NAB1: variants seen among roughly 807,000 people sequenced by gnomAD.
NAB1 encodes the protein NGFI-A binding protein 1.
NAB1 carries 25 observed loss-of-function variants against 49.9 expected under a neutral mutation model. The observed-to-expected ratio is 0.50, with a 90% CI of 0.37 to 0.70. NAB1 has a LOEUF of 0.70. Ranked by LOEUF, NAB1 falls within the 30% of genes least tolerant of loss-of-function variation. The probability of loss-of-function intolerance (pLI) is 0.00; values close to 1 mark genes in which losing one functional copy is unlikely to be tolerated. For synonymous variants in NAB1, 198 were observed against 215.6 expected (o/e 0.92, Z 0.71); for missense variants, 489 against 575.9 (o/e 0.85, Z 1.54).
chr2:190,649,076 TGCC>T, upstream of NAB1: 5 of 131,612 alleles, frequency 3.8e-5, no homozygotes, highest in South Asian at 1.1e-3. This position sits in a 1 kb window ranked among gnomAD's most constrained non-coding sequence, Gnocchi z 6.1. Context: ...GGGGAGGCGC[TGCC>T]GCCGCCGCCG....
At chr2:190,687,435 GT>G (rs1695674129) in intron 9 of NAB1, 118 bp downstream of exon 9, 1 of 605,502 alleles carries the variant, frequency 1.7e-6, no homozygotes, top group Admixed American at 4.1e-5. Context: ...TACTGACAGT[GT>G]TCCTACAGGT....
In NAB1 at chr2:190,652,415, A is replaced by C. The variant is rs1244366064; in HGVS notation, c.-197+2433A>C. On this transcript the variant is annotated intron_variant, in intron 2 of 9. Coordinates refer to ENST00000337386, the MANE Select transcript of NAB1 (RefSeq NM_005966.4). This position sits in a 1 kb window ranked among gnomAD's most constrained non-coding sequence, Gnocchi z 4.2. ...ATTTCCAGCCATTGTACGAAATGCT[A>C]GTATTTGCCTATTGTTACTATAGTT... Among the ~76,000 whole-genome samples, 1 of 152,228 alleles carries C rather than the reference A, an allele frequency of 6.6e-6. No homozygotes were observed. Among genetic ancestry groups the C allele is most frequent in the African/African-American group, 2.4e-5 (1 of 41,458 alleles).
intron 6 of NAB1, among the ~76,000 whole-genome samples, chr2:190,681,051 A>G (rs371778934): frequency 3.3e-5 from 5 of 152,328 alleles, no homozygotes; most frequent in African/African-American, 1.2e-4. Context: ...TGAACTCTGC[A>G]AGTCATATAG....
Position 190,666,283 on chromosome 2 carries a change from ATTTAATTG to A in NAB1, c.820-4040_820-4033del, listed in dbSNP as rs1694512481. ...GCCAACAGTACTTAAAGTCACAATCATTTAATTGTTGGAGATTATAATTTTAACAACCT... is the reference window on the plus strand; with the variant it reads ...GCCAACAGTACTTAAAGTCACAATCATTGGAGATTATAATTTTAACAACCT... On this transcript the variant is annotated intron_variant, in intron 4 of 9. Coordinates refer to ENST00000337386, the MANE Select transcript of NAB1 (RefSeq NM_005966.4). The surrounding 1 kb of genome is among the most constrained non-coding windows in gnomAD (Gnocchi z 5.6). 6.6e-6 allele frequency among the ~76,000 whole-genome samples: 1 copy of A among 152,216 alleles called. No homozygotes were observed. The highest frequency in any genetic ancestry group is 2.1e-4 in the South Asian group (1 of 4,834).
Position 190,691,452 on chromosome 2 carries a change from C to T in NAB1, c.*1119C>T, listed in dbSNP as rs780374988. On this transcript the variant is annotated 3_prime_UTR_variant, in exon 10 of 10. Transcript: ENST00000337386. The surrounding 1 kb of genome is among the most constrained non-coding windows in gnomAD (Gnocchi z 4.1). The stretch of plus-strand genomic sequence containing the variant: ...ATTTTACAATTTCATTTTTCTACAC[C>T]TTTGAGATTTATGAATGCAGTTTTT... 2.0e-5 allele frequency: 3 copies of T among 152,054 alleles called. No individual in the cohort carries two copies. The highest frequency in any genetic ancestry group is 4.4e-5 in the Non-Finnish European group (3 of 67,954). 9.4% of individuals were successfully genotyped at this position (152,054 alleles called of 1,614,324 possible).
rs536237957 is a variant in NAB1, at chr2:190,678,485, C to T, written c.1006-5253C>T. On this transcript the variant is annotated intron_variant, in intron 6 of 9. Coordinates refer to ENST00000337386, the MANE Select transcript of NAB1 (RefSeq NM_005966.4). The surrounding 1 kb of genome is among the most constrained non-coding windows in gnomAD (Gnocchi z 4.9). ...ATTTCTCATTTGAGTTTTCTTCATTCGCTGAAATTGCTGGAGACTGGGCAG... is the reference window on the plus strand; with the variant it reads ...ATTTCTCATTTGAGTTTTCTTCATTTGCTGAAATTGCTGGAGACTGGGCAG... 1.8e-4 allele frequency among the ~76,000 whole-genome samples: 27 copies of T among 152,314 alleles called. No individual in the cohort carries two copies. Among genetic ancestry groups the T allele is most frequent in the African/African-American group, 6.5e-4 (27 of 41,568 alleles).
intron 2 of NAB1, among the ~76,000 whole-genome samples, chr2:190,653,951 GGTAAA>G (rs1045520630): frequency 6.6e-6 from 1 of 152,134 alleles, no homozygotes; most frequent in Non-Finnish European, 1.5e-5. Context: ...AAGGATTGTA[GGTAAA>G]GTAACAGGAT....
intron 4 of NAB1, among the ~76,000 whole-genome samples, chr2:190,668,277 A>G (rs1694625754): frequency 6.6e-6 from 1 of 152,184 alleles, no homozygotes; most frequent in African/African-American, 2.4e-5. Flanking sequence ...ATAATTGGAT[A>G]TGTGTGCAAA....
In NAB1 at chr2:190,675,966, T is replaced by C. The variant is rs1223939599; in HGVS notation, c.1005+2814T>C. On this transcript the variant is annotated intron_variant, in intron 6 of 9. Coordinates refer to ENST00000337386, the MANE Select transcript of NAB1 (RefSeq NM_005966.4). This position sits in a 1 kb window ranked among gnomAD's most constrained non-coding sequence, Gnocchi z 5.2. ...GTCTGTGCTGTACTATAAGTCAAAT[T>C]TGAGATACCAGAACTATTTCCGGAA... Among the ~76,000 whole-genome samples, 2 of 152,160 alleles carry C rather than the reference T, an allele frequency of 1.3e-5. No individual in the cohort carries two copies. Among genetic ancestry groups the C allele is most frequent in the Non-Finnish European group, 2.9e-5 (2 of 68,030 alleles).
Position 190,687,280 on chromosome 2 carries a change from C to A in NAB1, c.1338C>A (p.Ser446Arg), listed in dbSNP as rs1179431908. 6.3e-7 allele frequency: 1 copy of A among 1,598,230 alleles called. No homozygotes were observed. The highest frequency in any genetic ancestry group is 8.5e-7 in the Non-Finnish European group (1 of 1,175,506). Residue 446 changes from serine (S) to arginine (R), a missense_variant, in exon 9 of 10, where the codon AGC (serine) becomes AGA (arginine). Coordinates refer to ENST00000337386, the MANE Select transcript of NAB1 (RefSeq NM_005966.4). Reference protein sequence around the residue: ...PHHFVVDGELSRLYPSEAKSH... With the variant: ...PHHFVVDGELRRLYPSEAKSH... Reference sequence around the variant, plus strand: ...ATTTTGTGGTGGATGGGGAGCTGAGCAGACTTTACCCCAGTGAGGCAAAGT... The same window carrying A: ...ATTTTGTGGTGGATGGGGAGCTGAGAAGACTTTACCCCAGTGAGGCAAAGT...
At chr2:190,662,660 T>G (rs1448553201) in intron 4 of NAB1, among the ~76,000 whole-genome samples, 1 of 152,134 alleles carries the variant, frequency 6.6e-6, no homozygotes, top group African/African-American at 2.4e-5. Context: ...AGTGAATGGA[T>G]GAGGAGAGAG....
In NAB1 at chr2:190,677,819, T is replaced by A. The variant is rs1695147116; in HGVS notation, c.1005+4667T>A. Among the ~76,000 whole-genome samples, 1 of 152,144 alleles carries A rather than the reference T, an allele frequency of 6.6e-6. No homozygotes were observed. The highest frequency in any genetic ancestry group is 1.5e-5 in the Non-Finnish European group (1 of 68,032). On this transcript the variant is annotated intron_variant, in intron 6 of 9. Transcript: ENST00000337386. This position sits in a 1 kb window ranked among gnomAD's most constrained non-coding sequence, Gnocchi z 5.6. ...TTCCTATCTATGTCTGATTCCTGAA[T>A]GTCAAAGCAGTACCACCTTCCTAGG...
rs1695034601 is a variant in NAB1 at position 190,675,678 on chromosome 2, C to T, written c.1005+2526C>T. Among the ~76,000 whole-genome samples, 1 of 152,170 alleles carries T rather than the reference C, an allele frequency of 6.6e-6. No homozygotes were observed. Among genetic ancestry groups the T allele is most frequent in the Non-Finnish European group, 1.5e-5 (1 of 68,020 alleles). On this transcript the variant is annotated intron_variant, in intron 6 of 9. Coordinates refer to ENST00000337386, the MANE Select transcript of NAB1 (RefSeq NM_005966.4). This position sits in a 1 kb window ranked among gnomAD's most constrained non-coding sequence, Gnocchi z 5.2. Reference sequence around the variant, plus strand: ...ACAAGCGACAATCGGCCCCAGGCTTCTTTAAATGCTTTTATAGACACTAGA... The same window carrying T: ...ACAAGCGACAATCGGCCCCAGGCTTTTTTAAATGCTTTTATAGACACTAGA...
chr2:190,688,931 C>T (rs1389424020), intron 9 of NAB1, among the ~76,000 whole-genome samples: 3 of 151,932 alleles, frequency 2.0e-5, no homozygotes, highest in Admixed American at 6.6e-5. Context: ...CTCCTCCTCC[C>T]GGGTTTACGC....
intron 4 of NAB1, among the ~76,000 whole-genome samples, chr2:190,661,546 T>G (rs1050051637): frequency 3.3e-5 from 5 of 152,178 alleles, no homozygotes; most frequent in Non-Finnish European, 5.9e-5. Flanking sequence ...TCTAAAAGAT[T>G]AACAAACCTA....
At position 190,691,758 on chromosome 2, in the gene NAB1, G is replaced by A. The variant is rs1482758189; in HGVS notation, c.*1425G>A. The A allele has an allele frequency of 1.3e-5, 2 of 152,154 alleles. No individual in the cohort carries two copies. The highest frequency in any genetic ancestry group is 2.9e-5 in the Non-Finnish European group (2 of 67,980). The allele number at this position is 152,154 out of a possible 1,614,324, so 9.4% of individuals were successfully genotyped here. ...GAGTGTATTGACTCTGAGTGTAAGAGAGTATGTGTTTTTTTGTTTTTAGTT... is the reference window on the plus strand; with the variant it reads ...GAGTGTATTGACTCTGAGTGTAAGAAAGTATGTGTTTTTTTGTTTTTAGTT... On this transcript the variant is annotated 3_prime_UTR_variant, in exon 10 of 10. Coordinates refer to ENST00000337386, the MANE Select transcript of NAB1 (RefSeq NM_005966.4). This position sits in a 1 kb window ranked among gnomAD's most constrained non-coding sequence, Gnocchi z 4.1.
In NAB1 at chr2:190,674,510, T is replaced by C. The variant is rs765440929; in HGVS notation, c.1005+1358T>C. ...AGCATTCGCCAGTATTTGAAACTGT[T>C]AGTTACTTGTTTTAAATTTATTATC... On this transcript the variant is annotated intron_variant, in intron 6 of 9. Coordinates refer to ENST00000337386, the MANE Select transcript of NAB1 (RefSeq NM_005966.4). The surrounding 1 kb of genome is among the most constrained non-coding windows in gnomAD (Gnocchi z 5.7). 6.6e-6 allele frequency among the ~76,000 whole-genome samples: 1 copy of C among 152,220 alleles called. No homozygotes were observed. Among genetic ancestry groups the C allele is most frequent in the Non-Finnish European group, 1.5e-5 (1 of 68,044 alleles).
Position 190,686,767 on chromosome 2 carries a change from G to GT in NAB1, c.1259-428dup, listed in dbSNP as rs1489777372. ...TTTTTCCCATATTTGTGCTAAATCT[G>GT]TTTTTTCACGGATTTTGCTGTAGTT... On this transcript the variant is annotated intron_variant, in intron 8 of 9. Transcript: ENST00000337386. This position sits in a 1 kb window ranked among gnomAD's most constrained non-coding sequence, Gnocchi z 5.5. Among the ~76,000 whole-genome samples the GT allele has an allele frequency of 1.3e-5, 2 of 151,018 alleles. No individual in the cohort carries two copies. Among genetic ancestry groups the GT allele is most frequent in the Non-Finnish European group, 3.0e-5 (2 of 67,746 alleles).
rs147341647 is a variant in NAB1 at position 190,663,654 on chromosome 2, G to C, written c.819+3659G>C. 6.6e-6 allele frequency among the ~76,000 whole-genome samples: 1 copy of C among 152,174 alleles called. No homozygotes were observed. Among genetic ancestry groups the C allele is most frequent in the Admixed American group, 6.5e-5 (1 of 15,276 alleles). The stretch of plus-strand genomic sequence containing the variant: ...CTATTCTTGCTTGTGCTGTACACGT[G>C]TATATATTTGTCTCCTCTCTTAGTT... On this transcript the variant is annotated intron_variant, in intron 4 of 9. Coordinates refer to ENST00000337386, the MANE Select transcript of NAB1 (RefSeq NM_005966.4). The surrounding 1 kb of genome is among the most constrained non-coding windows in gnomAD (Gnocchi z 4.2).
Sources: gnomAD v4.1 joint callset for allele counts (sites outside exome capture counted in the v4.1 genomes callset) on GRCh38, gnomAD v4.1.1 for gene constraint, Gnocchi (gnomAD v3.1) non-coding constraint, MANE v1.5 for transcripts, NCBI Gene and HGNC (gene_info 2026-07-23, HGNC 2026-07-21) for gene names.